Variants in RARB observed in about 807,000 individuals in gnomAD.
The protein encoded by RARB is HBV-activated protein.
RARB carries 17 observed loss-of-function variants against 51.9 expected under a neutral mutation model. The observed-to-expected ratio is 0.33, with a 90% confidence interval of 0.22 to 0.49. The LOEUF (loss-of-function observed/expected upper bound fraction) is 0.49, where lower values mean the gene tolerates loss of function less well. Ranked by LOEUF, RARB falls within the 20% of genes least tolerant of loss-of-function variation. The pLI, the probability that RARB is intolerant of heterozygous loss-of-function variation, is 0.99. For missense variants in RARB, 369 were observed against 550.8 expected (o/e 0.67, Z 3.30); for synonymous variants, 215 against 195.4 (o/e 1.10, Z -0.84).
At chr3:25,556,994 G>A (rs865921871) in intron 3 of RARB, among the ~76,000 whole-genome samples, 41 of 152,222 alleles carry the variant, frequency 2.7e-4, no homozygotes, top group Middle Eastern at 6.3e-3. Context: ...AACAATTCCT[G>A]ATGTGCAAGG....
intron 3 of RARB, among the ~76,000 whole-genome samples, chr3:25,541,831 C>G (rs1037169527): frequency 2.0e-5 from 3 of 152,222 alleles, no homozygotes; most frequent in Non-Finnish European, 4.4e-5. Flanking sequence ...CCTCCGGCCC[C>G]TTCCTCCACA....
chr3:24,847,879 G>C (rs1702504478), intron 1 of RARB, among the ~76,000 whole-genome samples: 1 of 152,188 alleles, frequency 6.6e-6, no homozygotes, highest in Non-Finnish European at 1.5e-5. Context: ...AGGCAGTAGA[G>C]CTGGCCTATA....
At chr3:25,367,127 G>A (rs1203690580) in intron 5 of RARB, among the ~76,000 whole-genome samples, 1 of 152,126 alleles carries the variant, frequency 6.6e-6, no homozygotes, top group Non-Finnish European at 1.5e-5. Context: ...ATTCTCTCCA[G>A]TATTTCCTCA....
At chr3:25,108,097 T>C (rs548727262) in intron 3 of RARB, among the ~76,000 whole-genome samples, 3 of 152,300 alleles carry the variant, frequency 2.0e-5, no homozygotes, top group African/African-American at 7.2e-5. Context: ...ATCTACAGCA[T>C]GGATACACTG....
intron 5 of RARB, among the ~76,000 whole-genome samples, chr3:25,585,174 C>T (rs1201074130): frequency 6.6e-6 from 1 of 152,144 alleles, no homozygotes; most frequent in Non-Finnish European, 1.5e-5. Flanking sequence ...TCCTTTCAGG[C>T]TCTAGAAAGC....
chr3:24,930,861 A>G lies in RARB; in HGVS notation c.-380+72109A>G, dbSNP rs11918535. Among the ~76,000 whole-genome samples, 930 of 152,124 alleles carry G rather than the reference A, an allele frequency of 6.1e-3. 8 individuals carry two copies. The highest frequency in any genetic ancestry group is 0.022 in the African/African-American group (895 of 41,526). ...GTGTCTCCCCACATTTTTCTTTTAA[A>G]AAATAGCCAGGTGTGGTGGTGCCCA... is the stretch of plus-strand genomic sequence containing the variant. On this transcript the variant is annotated intron_variant, in intron 2 of 11. Coordinates refer to the RARB transcript ENST00000383772.
rs1559344357 is a variant in RARB, at chr3:25,286,147, G to GAC, written c.178+111572_178+111573insAC. ...TCTGTCACCAAGGCTGGAGTGCAGT[G>GAC]GCATGATCTCAGCTCACTGCAAGCT... On this transcript the variant is annotated intron_variant, in intron 5 of 11. Coordinates refer to the RARB transcript ENST00000383772. 5.1e-4 allele frequency among the ~76,000 whole-genome samples: 64 copies of GAC among 126,328 alleles called. No individual in the cohort carries two copies. The East Asian group carries it at 0.016, about 32-fold the overall frequency. The allele number at this position is 126,328 out of a possible 152,430, so 82.9% of individuals were successfully genotyped here.
intron 3 of RARB, among the ~76,000 whole-genome samples, chr3:25,063,310 T>A (rs1698588390): frequency 6.6e-6 from 1 of 152,038 alleles, no homozygotes; most frequent in South Asian, 2.1e-4. Flanking sequence ...AAAGGTGATT[T>A]GAAGGTGTTA....
chr3:25,030,956 T>C (rs951425687), intron 2 of RARB, among the ~76,000 whole-genome samples: 1 of 152,244 alleles, frequency 6.6e-6, no homozygotes, highest in Non-Finnish European at 1.5e-5. Context: ...GTATTTACTC[T>C]GGAGGCTGCT....
At chr3:24,907,717 A>G (rs1694896112) in intron 2 of RARB, among the ~76,000 whole-genome samples, 1 of 152,158 alleles carries the variant, frequency 6.6e-6, no homozygotes. Flanking sequence ...TGGTAGGTAC[A>G]TAAATCTTAC....
At chr3:25,387,529 T>C (rs1044831702) in intron 5 of RARB, among the ~76,000 whole-genome samples, 19 of 152,270 alleles carry the variant, frequency 1.2e-4, no homozygotes, top group African/African-American at 4.6e-4. Context: ...TATTCTTCTC[T>C]TATTTGTAGT....
intron 5 of RARB, among the ~76,000 whole-genome samples, chr3:25,301,157 T>A (rs992006509): frequency 6.6e-6 from 1 of 152,252 alleles, no homozygotes; most frequent in Non-Finnish European, 1.5e-5. Context: ...GGGTATTAAA[T>A]GCAGTTTTCA....
chr3:25,485,781 T>C (rs1321523346), intron 2 of RARB, among the ~76,000 whole-genome samples: 3 of 152,330 alleles, frequency 2.0e-5, no homozygotes, highest in South Asian at 4.1e-4. Context: ...TCTCTCACTC[T>C]GGTTCCCTTC....
At chr3:25,248,226 C>CT (rs1227053855) in intron 5 of RARB, among the ~76,000 whole-genome samples, 4 of 152,076 alleles carry the variant, frequency 2.6e-5, no homozygotes, top group African/African-American at 7.2e-5. Flanking sequence ...CATCCAATAT[C>CT]TTTTTTCATC....
intron 4 of RARB, among the ~76,000 whole-genome samples, chr3:25,166,940 G>A (rs1351702990): frequency 6.6e-6 from 1 of 152,174 alleles, no homozygotes; most frequent in Non-Finnish European, 1.5e-5. Context: ...TTTATTATTT[G>A]TAGAAGACAT....
intron 4 of RARB, among the ~76,000 whole-genome samples, chr3:25,144,476 G>T (rs1268989113): frequency 6.6e-6 from 1 of 152,072 alleles, no homozygotes. Context: ...CTAGAGACCC[G>T]TGTTCTCTAG....
intron 2 of RARB, among the ~76,000 whole-genome samples, chr3:24,904,533 G>T (rs1305104960): frequency 6.6e-6 from 1 of 152,212 alleles, no homozygotes; most frequent in South Asian, 2.1e-4. Flanking sequence ...AGAGGATGTG[G>T]AGAAATAGGA....
chr3:24,858,046 T>C (rs565404081), intron 1 of RARB, among the ~76,000 whole-genome samples: 2 of 152,346 alleles, frequency 1.3e-5, no homozygotes, highest in South Asian at 2.1e-4. Flanking sequence ...AACTAAATTA[T>C]ATTCTTTGAA....
At chr3:24,858,763 G>A (rs1033150976) in intron 2 of RARB, 1 of 152,134 alleles carries the variant, frequency 6.6e-6, no homozygotes, top group Non-Finnish European at 1.5e-5. Context: ...GTACGTTCAG[G>A]TTTAGTCCTT....
Sources: allele counts gnomAD v4.1 joint callset (sites outside exome capture counted in the v4.1 genomes callset), GRCh38; gene constraint gnomAD v4.1.1; transcripts MANE v1.5; gene names NCBI Gene and HGNC (gene_info 2026-07-23, HGNC 2026-07-21).